The following DNAH1 variants were observed in gnomAD, a reference collection of about 807,000 sequenced individuals.
DNAH1 encodes dynein axonemal heavy chain 1.
Under a neutral mutation model 484.3 loss-of-function variants are expected in DNAH1, and 327 were observed. That is an observed-to-expected ratio of 0.68 (90% CI 0.62 to 0.74). DNAH1 has a LOEUF of 0.74. Among genes scored for constraint, DNAH1 ranks in the 30% least tolerant of loss-of-function variants. The pLI, the probability that DNAH1 is intolerant of heterozygous loss-of-function variation, is 0.00. For synonymous variants in DNAH1, 2,192 were observed against 2,191.9 expected, an observed-to-expected ratio of 1.00 and a Z score of 0.00; for missense variants, 5,052 against 5,546.8, an observed-to-expected ratio of 0.91 and a Z score of 2.83.
chr3:52,327,776 C>G, intron 5 of DNAH1, 106 bp from the exon 6 acceptor site: 2 of 1,365,450 alleles, frequency 1.5e-6, no homozygotes, highest in Non-Finnish European at 2.0e-6. Flanking sequence ...AGCTCTCTCA[C>G]CTGGGGAGGG....
At chr3:52,374,648 A>C in intron 44 of DNAH1, 1 of 1,472,374 alleles carries the variant, frequency 6.8e-7, no homozygotes, top group Non-Finnish European at 9.5e-7. Flanking sequence ...GTGACAATGC[A>C]GCGAAGATTC....
At position 52,361,515 on chromosome 3, in the gene DNAH1, G is replaced by A. The variant is rs1056456986; in HGVS notation, c.4875-146G>A. On this transcript the variant is annotated intron_variant, in intron 29 of 77. Coordinates refer to ENST00000420323, the MANE Select transcript of DNAH1 (RefSeq NM_015512.5). This position sits in a 1 kb window ranked among gnomAD's most constrained non-coding sequence, Gnocchi z 5.6. ...CTTGGTCCTGGGGGCATTGGGGTGG[G>A]GAGTGGCAGTGGGTTGAAGACTGAG... 15 of 1,210,584 alleles carry A rather than the reference G, an allele frequency of 1.2e-5. No individual in the cohort carries two copies. The Admixed American group carries it at 3.4e-4, about 28-fold the overall frequency. 75.0% of individuals were successfully genotyped at this position (1,210,584 alleles called of 1,614,324 possible).
chr3:52,356,749 A>T lies in DNAH1; in HGVS notation c.3829A>T (p.Ile1277Phe). ...GACCATGGAGCGGATCTGGAAGAAG[A>T]TCATGAAGAATGCCTACGAGAACCG... is the stretch of plus-strand genomic sequence containing the variant. ...YQTMERIWKK[I>F]MKNAYENREV... Residue 1277 changes from isoleucine (I) to phenylalanine (F), a missense_variant, in exon 22 of 78, where the codon ATC becomes TTC. By Grantham distance (21) the Ile-to-Phe change is conservative. This residue lies in a region of DNAH1 where 2,929 missense variants were observed against 3,409.4 expected (regional missense o/e 0.86). Transcript: ENST00000420323. 6.2e-7 allele frequency: 1 copy of T among 1,612,892 alleles called. No individual in the cohort carries two copies. Among genetic ancestry groups the T allele is most frequent in the Non-Finnish European group, 8.5e-7 (1 of 1,179,388 alleles).
intron 46 of DNAH1, among the ~76,000 whole-genome samples, chr3:52,377,621 G>C (rs562273067): frequency 6.6e-6 from 1 of 152,144 alleles, no homozygotes; most frequent in South Asian, 2.1e-4. Context: ...ACCGCCTCCT[G>C]CTCATCCCCT....
intron 65 of DNAH1, 146 bp downstream of exon 65, chr3:52,393,171 AC>A: frequency 5.6e-6 from 8 of 1,416,836 alleles, no homozygotes; most frequent in Non-Finnish European, 7.8e-6. Context: ...TGCACACAGC[AC>A]GCCTACCCTC....
intron 6 of DNAH1, among the ~76,000 whole-genome samples, 195 bp from the exon 7 acceptor site, chr3:52,330,953 G>A (rs1292246656): frequency 6.6e-6 from 1 of 152,198 alleles, no homozygotes; most frequent in Non-Finnish European, 1.5e-5. Flanking sequence ...TCTGCAGCAC[G>A]GGGTTCCTCA....
At chr3:52,399,485 C>T in intron 76 of DNAH1, 60 bp from the exon 77 acceptor site, 2 of 1,452,866 alleles carry the variant, frequency 1.4e-6, no homozygotes, top group Non-Finnish European at 9.4e-7. Context: ...AGTTTTGTGC[C>T]TCCTAACCCA....
At position 52,388,319 on chromosome 3, in the gene DNAH1, C is replaced by A. The variant is rs765849045; in HGVS notation, c.9156C>A (p.Ala3052=). Residue 3052 remains alanine (A), a synonymous_variant, in exon 57 of 78, where the codon GCC becomes GCA. Transcript: ENST00000420323. ...AMHKYHFVAK[A]VEPKRQALLE... ...ACAAGTACCACTTTGTGGCCAAGGC[C>A]GTGGAGCCCAAGCGGGTGAGGGCTG... 2 of 1,602,582 alleles carry A rather than the reference C, an allele frequency of 1.2e-6. No individual in the cohort carries two copies. The highest frequency in any genetic ancestry group is 2.3e-5 in the East Asian group (1 of 44,344).
chr3:52,372,355 C>T lies in DNAH1; in HGVS notation c.6795C>T (p.Thr2265=), dbSNP rs367699532. The change falls in exon 43 of 78, where the codon ACC becomes ACT. Residue 2265 remains threonine (T), a synonymous_variant. Transcript: ENST00000420323. Reference sequence around the variant, plus strand: ...CAGCCCGCACTTCAGCCAACCAGACCCAGGACTTCATTGACAGCAAGCTGG... The same window carrying T: ...CAGCCCGCACTTCAGCCAACCAGACTCAGGACTTCATTGACAGCAAGCTGG... The part of the protein sequence containing the change: ...TFSARTSANQ[T]QDFIDSKLDK... The T allele has an allele frequency of 2.5e-6, 4 of 1,613,862 alleles. No individual in the cohort carries two copies. The African/African-American group carries it at 4.0e-5, about 16-fold the overall frequency.
chr3:52,391,348 G>A lies in DNAH1; in HGVS notation c.9891+20G>A, dbSNP rs1349518942. 11 of 1,600,128 alleles carry A rather than the reference G, an allele frequency of 6.9e-6. No homozygotes were observed. The highest frequency in any genetic ancestry group is 9.4e-6 in the Non-Finnish European group (11 of 1,173,460). On this transcript the variant is annotated intron_variant, in intron 62 of 77. Coordinates refer to ENST00000420323, the MANE Select transcript of DNAH1 (RefSeq NM_015512.5). ...AAGCAGGTGGGTCTGCAGTGGTGAT[G>A]GCAGGGTGGCAGTAGGCCTGGACAG...
chr3:52,382,539 C>G, intron 50 of DNAH1, 84 bp downstream of exon 50: 3 of 1,563,794 alleles, frequency 1.9e-6, no homozygotes, highest in Non-Finnish European at 2.6e-6. Context: ...GGTGGCCAGT[C>G]CTTCATGCCC....
chr3:52,385,270 C>T (rs1704049724), intron 53 of DNAH1, 67 bp from the exon 54 acceptor site: 1 of 1,468,382 alleles, frequency 6.8e-7, no homozygotes, highest in Non-Finnish European at 9.3e-7. Flanking sequence ...ATGAGGGCGG[C>T]CCAGCAGGCC....
chr3:52,391,400 G>A, intron 62 of DNAH1, 43 bp from the exon 63 acceptor site: 1 of 1,593,738 alleles, frequency 6.3e-7, no homozygotes, highest in Non-Finnish European at 8.5e-7. Flanking sequence ...TGCCCCACTG[G>A]TGATGCTCAG....
At chr3:52,380,422 C>T (rs1394986218) in intron 48 of DNAH1, among the ~76,000 whole-genome samples, 1 of 152,184 alleles carries the variant, frequency 6.6e-6, no homozygotes, top group Non-Finnish European at 1.5e-5. Context: ...GGGCCTGGGG[C>T]CATGGGTCTC....
At position 52,379,828 on chromosome 3, in the gene DNAH1, C is replaced by T; in HGVS notation, c.7378-77C>T. On this transcript the variant is annotated intron_variant, in intron 47 of 77. Transcript: ENST00000420323. The surrounding 1 kb of genome is among the most constrained non-coding windows in gnomAD (Gnocchi z 4.4). The stretch of plus-strand genomic sequence containing the variant: ...AGGGCCCCAGGAACTGGGGCCCACC[C>T]TCCCTTGCCTGGTGGTTTGAGAGAT... 2.2e-6 allele frequency: 3 copies of T among 1,338,406 alleles called. No homozygotes were observed. The highest frequency in any genetic ancestry group is 3.1e-6 in the Non-Finnish European group (3 of 980,198). The allele number at this position is 1,338,406 out of a possible 1,614,324, so 82.9% of individuals were successfully genotyped here.
In DNAH1 at chr3:52,383,962, G is replaced by A; in HGVS notation, c.8253G>A (p.Lys2751=). The change falls in exon 52 of 78, where the codon AAG becomes AAA. Residue 2751 remains lysine (K), a synonymous_variant. Transcript: ENST00000420323. Reference sequence around the variant, plus strand: ...ACGAGTGGCCGGCAGAAGCCCTGAAGTCTGTGGCCACCGTGTTCCTCAATG... The same window carrying A: ...ACGAGTGGCCGGCAGAAGCCCTGAAATCTGTGGCCACCGTGTTCCTCAATG... The part of the protein sequence containing the change: ...WFNEWPAEAL[K]SVATVFLNEI... The A allele has an allele frequency of 1.2e-6, 2 of 1,612,486 alleles. No individual in the cohort carries two copies. Among genetic ancestry groups the A allele is most frequent in the Non-Finnish European group, 1.7e-6 (2 of 1,179,230 alleles).
chr3:52,315,636 G>A (rs569933325), upstream of DNAH1, among the ~76,000 whole-genome samples: 4 of 152,326 alleles, frequency 2.6e-5, no homozygotes, highest in Admixed American at 1.3e-4. Context: ...ATTTCAACAA[G>A]GGTAAGGCTG....
intron 8 of DNAH1, among the ~76,000 whole-genome samples, chr3:52,336,614 G>A (rs1701751162): frequency 1.3e-5 from 2 of 152,128 alleles, no homozygotes; most frequent in Non-Finnish European, 1.5e-5. Flanking sequence ...TTTGTTTCTG[G>A]TGAAAGGTAA....
At chr3:52,393,231 G>A in intron 65 of DNAH1, 103 bp from the exon 66 acceptor site, 1 of 1,559,196 alleles carries the variant, frequency 6.4e-7, no homozygotes, top group Non-Finnish European at 8.8e-7. Context: ...GGAGGCCCAG[G>A]CTGCCCCTAC....
Sources: allele counts gnomAD v4.1 joint callset (sites outside exome capture counted in the v4.1 genomes callset), GRCh38; gene constraint gnomAD v4.1.1; regional missense constraint gnomAD v4.1.1; non-coding constraint Gnocchi (gnomAD v3.1); transcripts MANE v1.5; gene names NCBI Gene and HGNC (gene_info 2026-07-23, HGNC 2026-07-21).